SOS2: variants seen among roughly 807,000 people sequenced by gnomAD.
SOS2 encodes the protein SOS Ras/Rho guanine nucleotide exchange factor 2.
In SOS2, 65 loss-of-function variants were observed where a neutral mutation model predicts 148.2. The observed-to-expected ratio is 0.44, with a 90% CI of 0.36 to 0.54. SOS2 has a LOEUF of 0.54. Among genes scored for constraint, SOS2 ranks in the 20% least tolerant of loss-of-function variants. SOS2 has a pLI of 0.00. For synonymous variants in SOS2, 539 were observed against 537.1 expected, an observed-to-expected ratio of 1.00 and a Z score of -0.05; for missense variants, 1,341 against 1,590.2, an observed-to-expected ratio of 0.84 and a Z score of 2.67.
chr14:50,128,321 G>A (rs970385439), intron 21 of SOS2, among the ~76,000 whole-genome samples: 5 of 152,088 alleles, frequency 3.3e-5, no homozygotes, highest in Middle Eastern at 6.8e-3. Flanking sequence ...AAAGGGAAAC[G>A]AAAAGAAAAG....
intron 1 of SOS2, among the ~76,000 whole-genome samples, chr14:50,217,119 T>C (rs1035073587): frequency 2.0e-5 from 3 of 152,036 alleles, no homozygotes; most frequent in East Asian, 1.9e-4. Flanking sequence ...AAACAATCAA[T>C]AGAACAGAAT....
intron 21 of SOS2, among the ~76,000 whole-genome samples, chr14:50,128,573 C>T (rs1479877477): frequency 6.6e-6 from 1 of 152,090 alleles, no homozygotes; most frequent in Non-Finnish European, 1.5e-5. Context: ...AAATTCTCAT[C>T]CACCATAAGA....
chr14:50,188,739 T>C, intron 4 of SOS2, 39 bp from the exon 5 acceptor site: 1 of 1,379,666 alleles, frequency 7.2e-7, no homozygotes, highest in South Asian at 1.3e-5. Context: ...ATTTATTTTC[T>C]TTACTTTTAT....
rs150039825 is a variant in SOS2 at position 50,180,912 on chromosome 14, G to C, written c.859-230C>G. ...AAAGATTTCTTTTCCCATTAGACTG[G>C]CAAAAATTAATGGGATATCTGCAGA... is the stretch of plus-strand genomic sequence containing the variant. On this transcript the variant is annotated intron_variant, in intron 6 of 22. Transcript: ENST00000216373. Among the ~76,000 whole-genome samples the C allele has an allele frequency of 8.6e-3, 1,311 of 151,888 alleles. 5 individuals are homozygous for C. The highest frequency in any genetic ancestry group is 0.012 in the Non-Finnish European group (813 of 67,946).
At chr14:50,125,824 A>G (rs541003133) in intron 21 of SOS2, among the ~76,000 whole-genome samples, 134 of 152,318 alleles carry the variant, frequency 8.8e-4, no homozygotes, top group African/African-American at 2.8e-3. Flanking sequence ...GGAGACTGGC[A>G]GTTTTATTCT....
intron 12 of SOS2, among the ~76,000 whole-genome samples, chr14:50,154,460 C>G (rs1362800179): frequency 6.6e-6 from 1 of 152,044 alleles, no homozygotes; most frequent in Non-Finnish European, 1.5e-5. Flanking sequence ...ACCTTCTGAC[C>G]CAGCCACTCC....
intron 21 of SOS2, among the ~76,000 whole-genome samples, chr14:50,126,026 C>T (rs1883669936): frequency 6.6e-6 from 1 of 152,182 alleles, no homozygotes; most frequent in South Asian, 2.1e-4. Context: ...CATTCCATCA[C>T]TCTACAGTGA....
chr14:50,161,597 A>T lies in SOS2; in HGVS notation c.1081T>A (p.Cys361Ser), dbSNP rs1464701323. Reference protein sequence around the residue: ...YFELLKQLKACSEEQEDRECL... With the variant: ...YFELLKQLKASSEEQEDRECL... ...TCTCTGTCTTCTTGTTCTTCACTAC[A>T]TGCTTTCAATTGCTAAGAAAAAACA... is the stretch of plus-strand genomic sequence containing the variant. The change falls in exon 9 of 23, where the codon TGT (cysteine) becomes AGT (serine). Residue 361 changes from cysteine (C) to serine (S), a missense_variant. Cys to Ser is a moderately radical substitution (Grantham distance 112). Coordinates refer to ENST00000216373, the MANE Select transcript of SOS2 (RefSeq NM_006939.4). 2 of 1,611,436 alleles carry T rather than the reference A, an allele frequency of 1.2e-6. No homozygotes were observed. The highest frequency in any genetic ancestry group is 1.7e-6 in the Non-Finnish European group (2 of 1,178,942).
chr14:50,118,492 A>G lies in SOS2; in HGVS notation c.3851T>C (p.Leu1284Pro). The G allele has an allele frequency of 1.9e-6, 3 of 1,614,156 alleles. No homozygotes were observed. Among genetic ancestry groups the G allele is most frequent in the Non-Finnish European group, 2.5e-6 (3 of 1,180,026 alleles). The part of the protein sequence containing the change: ...CYVLSSSQNN[L>P]AHPPAPPVPP... ...AACAGGGGGAGCTGGAGGATGAGCAAGATTATTCTGACTAGAACTGAGCAC... is the reference window on the plus strand; with the variant it reads ...AACAGGGGGAGCTGGAGGATGAGCAGGATTATTCTGACTAGAACTGAGCAC... The change falls in exon 23 of 23, where the codon CTT becomes CCT. Residue 1284 changes from leucine (L) to proline (P), a missense_variant. Physicochemically the swap from Leu to Pro is moderately conservative, Grantham distance 98. Coordinates refer to ENST00000216373, the MANE Select transcript of SOS2 (RefSeq NM_006939.4).
At chr14:50,199,020 A>G (rs1177465688) in intron 4 of SOS2, among the ~76,000 whole-genome samples, 1 of 152,044 alleles carries the variant, frequency 6.6e-6, no homozygotes, top group East Asian at 1.9e-4. Flanking sequence ...GGACGTGGTG[A>G]TGCACGCCTG....
intron 1 of SOS2, among the ~76,000 whole-genome samples, chr14:50,212,645 A>G (rs1311850559): frequency 6.6e-6 from 1 of 152,232 alleles, no homozygotes; most frequent in Admixed American, 6.5e-5. Context: ...ACACTTCACC[A>G]TAAATGAGGT....
chr14:50,219,322 C>A (rs1005048085), intron 1 of SOS2, among the ~76,000 whole-genome samples: 1 of 151,858 alleles, frequency 6.6e-6, no homozygotes, highest in African/African-American at 2.4e-5. Flanking sequence ...TATATCTACA[C>A]AATGGAATAC....
intron 18 of SOS2, among the ~76,000 whole-genome samples, chr14:50,137,458 G>C (rs1257344090): frequency 6.6e-6 from 1 of 151,946 alleles, no homozygotes; most frequent in African/African-American, 2.4e-5. Flanking sequence ...CACTTTTTAT[G>C]GTGTAGCTTG....
rs150356043 is a variant in SOS2, at chr14:50,122,188, T to G, written c.3380-1804A>C. Among the ~76,000 whole-genome samples, 303 of 152,264 alleles carry G rather than the reference T, an allele frequency of 2.0e-3. 2 individuals are homozygous for G. Among genetic ancestry groups the G allele is most frequent in the African/African-American group, 6.4e-3 (265 of 41,544 alleles). On this transcript the variant is annotated intron_variant, in intron 21 of 22. Coordinates refer to ENST00000216373, the MANE Select transcript of SOS2 (RefSeq NM_006939.4). ...ATTTAAAAGGAGATATTCTGGGGGC[T>G]AATGGAAAGGAAGTTCCTTGCTCTT...
chr14:50,174,660 A>G (rs1050811460), intron 7 of SOS2, 108 bp from the exon 8 acceptor site: 11 of 503,448 alleles, frequency 2.2e-5, no homozygotes, highest in Non-Finnish European at 1.8e-5. Flanking sequence ...AGACTTATCA[A>G]AACTACAACA....
At chr14:50,189,061 T>TCACATA (rs1555321071) in intron 4 of SOS2, among the ~76,000 whole-genome samples, 1 of 128,688 alleles carries the variant, frequency 7.8e-6, no homozygotes, top group Non-Finnish European at 1.6e-5. Context: ...CGAGACTCCA[T>TCACATA]CACACACACA....
intron 4 of SOS2, among the ~76,000 whole-genome samples, chr14:50,193,838 A>G (rs543643437): frequency 6.1e-4 from 93 of 151,384 alleles, no homozygotes; most frequent in Non-Finnish European, 1.1e-3. Flanking sequence ...TCCGCCTCCC[A>G]GGTTCAAGCA....
intron 4 of SOS2, among the ~76,000 whole-genome samples, chr14:50,192,143 C>CAAAAAAAAAAAAAAAAAAAAAAA (rs201836422): frequency 8.4e-6 from 1 of 118,908 alleles, no homozygotes; most frequent in African/African-American, 3.5e-5. Flanking sequence ...GTCCTTGTCA[C>CAAAAAAAAAAAAAAAAAAAAAAA]AAAAAAAAAA....
Position 50,117,225 on chromosome 14 carries a change from G to C in SOS2, c.*1119C>G, listed in dbSNP as rs1182488490. On this transcript the variant is annotated 3_prime_UTR_variant, in exon 23 of 23. Coordinates refer to ENST00000216373, the MANE Select transcript of SOS2 (RefSeq NM_006939.4). Reference sequence around the variant, plus strand: ...CACAAACCAGTAAATAAACAACGTGGCTTTTGGCTACTTTACAACTGCTGC... The same window carrying C: ...CACAAACCAGTAAATAAACAACGTGCCTTTTGGCTACTTTACAACTGCTGC... 6.6e-6 allele frequency: 1 copy of C among 152,168 alleles called. No individual in the cohort carries two copies. Among genetic ancestry groups the C allele is most frequent in the Non-Finnish European group, 1.5e-5 (1 of 68,034 alleles). The allele number at this position is 152,168 out of a possible 1,614,324, so 9.4% of individuals were successfully genotyped here. A position where few individuals can be genotyped will look rare whatever the true frequency, so the allele number is the denominator to read the frequency against.
Sources: allele counts gnomAD v4.1 joint callset (sites outside exome capture counted in the v4.1 genomes callset), GRCh38; gene constraint gnomAD v4.1.1; transcripts MANE v1.5; gene names NCBI Gene and HGNC (gene_info 2026-07-23, HGNC 2026-07-21).